AVL9: variants seen among roughly 807,000 people sequenced by gnomAD.
The protein encoded by AVL9 is late secretory pathway protein AVL9 homolog.
In AVL9, 49 loss-of-function variants were observed where a neutral mutation model predicts 79.2. The ratio of observed to expected loss-of-function variants is 0.62; its 90% CI spans 0.49 to 0.79. AVL9 has a LOEUF of 0.79. Ranked by LOEUF, AVL9 falls within the 30% of genes least tolerant of loss-of-function variation. AVL9 has a pLI of 0.00. For missense variants in AVL9, 682 were observed against 776.8 expected, an observed-to-expected ratio of 0.88 and a Z score of 1.45; for synonymous variants, 299 against 280.6, an observed-to-expected ratio of 1.07 and a Z score of -0.65.
chr7:32,544,785 A>G lies in AVL9; in HGVS notation c.300+6A>G. 1 of 1,607,020 alleles carries G rather than the reference A, an allele frequency of 6.2e-7. No homozygotes were observed. Among genetic ancestry groups the G allele is most frequent in the Non-Finnish European group, 8.5e-7 (1 of 1,174,434 alleles). ...ATCGACAAATTGAAGCCAAGGTACG[A>G]TAGTTAATAGTGAAAAACAATTCCA... is the stretch of plus-strand genomic sequence containing the variant. On this transcript the variant is annotated splice_donor_region_variant and intron_variant, in intron 3 of 15. Coordinates refer to ENST00000318709, the MANE Select transcript of AVL9 (RefSeq NM_015060.3).
At chr7:32,500,746 AGTTT>A (rs1477284399) in intron 1 of AVL9, among the ~76,000 whole-genome samples, 1 of 152,022 alleles carries the variant, frequency 6.6e-6, no homozygotes, top group African/African-American at 2.4e-5. Flanking sequence ...TTTAGGTGTT[AGTTT>A]AAGTCTTTAA....
intron 13 of AVL9, 146 bp downstream of exon 13, chr7:32,576,218 G>A: frequency 1.6e-6 from 1 of 618,446 alleles, no homozygotes; most frequent in Non-Finnish European, 2.9e-6. Context: ...CAAATATAGA[G>A]AAACAGCTTA....
chr7:32,551,451 T>A, intron 5 of AVL9, 28 bp downstream of exon 5: 1 of 1,316,176 alleles, frequency 7.6e-7, no homozygotes, highest in Non-Finnish European at 1.1e-6. Context: ...TATAGATGTG[T>A]TTGGCTGAAG....
intron 1 of AVL9, among the ~76,000 whole-genome samples, chr7:32,513,265 AC>A (rs1256854713): frequency 6.6e-6 from 1 of 152,202 alleles, no homozygotes; most frequent in East Asian, 1.9e-4. Flanking sequence ...CAGCCAGGGC[AC>A]CCTAAAATTT....
At chr7:32,534,641 A>C (rs1788815702) in intron 1 of AVL9, 1 of 152,310 alleles carries the variant, frequency 6.6e-6, no homozygotes, top group Admixed American at 6.5e-5. Context: ...TGCAGATTGA[A>C]CTTGTGCTTT....
chr7:32,582,370 A>T (rs931137230), intron 15 of AVL9, among the ~76,000 whole-genome samples: 4 of 69,884 alleles, frequency 5.7e-5, no homozygotes, highest in African/African-American at 1.5e-4. Flanking sequence ...GAATACCTAG[A>T]GAGAGACAGA....
At chr7:32,539,838 G>A (rs1376916197) in intron 1 of AVL9, among the ~76,000 whole-genome samples, 1 of 152,128 alleles carries the variant, frequency 6.6e-6, no homozygotes, top group East Asian at 1.9e-4. Context: ...AAGGTCTCCT[G>A]CATTTCTTGT....
chr7:32,498,311 C>T (rs553966961), intron 1 of AVL9, among the ~76,000 whole-genome samples: 2 of 138,814 alleles, frequency 1.4e-5, no homozygotes, highest in African/African-American at 5.4e-5. Context: ...TGCAGTGGCG[C>T]GATCTCCACT....
At chr7:32,581,432 T>A (rs1056880022) in intron 15 of AVL9, 1 of 152,386 alleles carries the variant, frequency 6.6e-6, no homozygotes, top group African/African-American at 2.4e-5. Flanking sequence ...TGTGAACAAC[T>A]TTATGCTAAC....
intron 1 of AVL9, among the ~76,000 whole-genome samples, chr7:32,541,506 GA>G (rs1159065194): frequency 6.6e-6 from 1 of 151,836 alleles, no homozygotes; most frequent in African/African-American, 2.4e-5. Flanking sequence ...AAATAATTCT[GA>G]ATTGGTAACT....
chr7:32,569,427 A>C (rs1036269926), intron 10 of AVL9, among the ~76,000 whole-genome samples: 1 of 152,250 alleles, frequency 6.6e-6, no homozygotes, highest in Non-Finnish European at 1.5e-5. Context: ...TTTTTGGAGC[A>C]ATGCTGTTTT....
intron 5 of AVL9, among the ~76,000 whole-genome samples, chr7:32,551,777 C>A (rs998731239): frequency 2.6e-5 from 4 of 151,706 alleles, no homozygotes; most frequent in Admixed American, 6.6e-5. Flanking sequence ...TTCCTAGTTC[C>A]CAATACATAG....
At chr7:32,504,703 C>G (rs1373431968) in intron 1 of AVL9, among the ~76,000 whole-genome samples, 1 of 152,108 alleles carries the variant, frequency 6.6e-6, no homozygotes, top group East Asian at 1.9e-4. Flanking sequence ...AGGCTACATT[C>G]AGAAACATGC....
chr7:32,563,789 C>A (rs1312900046), intron 10 of AVL9, among the ~76,000 whole-genome samples: 3 of 152,064 alleles, frequency 2.0e-5, no homozygotes, highest in Non-Finnish European at 4.4e-5. Flanking sequence ...AATGTACTTG[C>A]CCAGAGTCAT....
chr7:32,567,245 A>AC (rs1790624156), intron 10 of AVL9, among the ~76,000 whole-genome samples: 1 of 152,046 alleles, frequency 6.6e-6, no homozygotes, highest in Non-Finnish European at 1.5e-5. Flanking sequence ...GGGACCACAG[A>AC]TGCAGGCCAC....
At chr7:32,539,279 G>A (rs787216) in intron 1 of AVL9, 22,785 of 152,228 alleles carry the variant, frequency 0.15, 1,732 homozygotes, top group East Asian at 0.19. Flanking sequence ...AGAAAAGTGT[G>A]CTTGTGACCA....
rs1177121524 is a variant in AVL9 at position 32,587,738 on chromosome 7, T to C, written c.*3831T>C. 1 of 152,242 alleles carries C rather than the reference T, an allele frequency of 6.6e-6. No homozygotes were observed. The highest frequency in any genetic ancestry group is 2.4e-5 in the African/African-American group (1 of 41,468). 9.4% of individuals were successfully genotyped at this position (152,242 alleles called of 1,614,324 possible). ...GCTGCCCTAATTCCCCGAGGATGATTGTCATTCCATGCAGCATAATGTGCC... is the reference window on the plus strand; with the variant it reads ...GCTGCCCTAATTCCCCGAGGATGATCGTCATTCCATGCAGCATAATGTGCC... On this transcript the variant is annotated 3_prime_UTR_variant, in exon 16 of 16. Coordinates refer to ENST00000318709, the MANE Select transcript of AVL9 (RefSeq NM_015060.3).
chr7:32,527,541 A>G (rs959315123), intron 1 of AVL9, among the ~76,000 whole-genome samples: 3 of 110,126 alleles, frequency 2.7e-5, no homozygotes, highest in African/African-American at 8.1e-5. Flanking sequence ...TTGGCTTTCT[A>G]CTTAAAAAAA....
intron 1 of AVL9, chr7:32,537,445 C>G (rs1788962500): frequency 6.8e-6 from 1 of 147,374 alleles, no homozygotes; most frequent in Non-Finnish European, 1.5e-5. Flanking sequence ...TAATATATAT[C>G]CATTAGAAAG....
Sources: allele counts gnomAD v4.1 joint callset (sites outside exome capture counted in the v4.1 genomes callset), GRCh38; gene constraint gnomAD v4.1.1; transcripts MANE v1.5; gene names NCBI Gene and HGNC (gene_info 2026-07-23, HGNC 2026-07-21).